The following NHS variants were observed in gnomAD, a reference collection of about 807,000 sequenced individuals.
NHS encodes NHS actin remodeling regulator, also known as actin remodeling regulator NHS.
Under a neutral mutation model 72.5 loss-of-function variants are expected in NHS, and 5 were observed. That is an observed-to-expected ratio of 0.07 (90% CI 0.04 to 0.14). The LOEUF (loss-of-function observed/expected upper bound fraction) is 0.14, where lower values mean the gene tolerates loss of function less well. Among genes scored for constraint, NHS ranks in the 10% least tolerant of loss-of-function variants. The probability of loss-of-function intolerance (pLI) is 1.00; values close to 1 mark genes in which losing one functional copy is unlikely to be tolerated. For synonymous variants in NHS, 464 were observed against 547.7 expected, an observed-to-expected ratio of 0.85 and a Z score of 2.13; for missense variants, 1,072 against 1,355.7, an observed-to-expected ratio of 0.79 and a Z score of 3.29.
At chrX:17,646,328 A>G (rs1302651174) in intron 1 of NHS, among the ~76,000 whole-genome samples, 1 of 111,938 alleles carries the variant, frequency 8.9e-6, no homozygotes, top group Non-Finnish European at 1.9e-5. Context: ...TTCATGTCAA[A>G]GTCTAGGTGG....
intron 1 of NHS, among the ~76,000 whole-genome samples, chrX:17,569,400 G>T (rs2065463355): frequency 1.9e-5 from 2 of 106,393 alleles, no homozygotes; most frequent in Admixed American, 1.9e-4. Flanking sequence ...GTTTTGATTT[G>T]CATTTCTCTG....
intron 1 of NHS, among the ~76,000 whole-genome samples, chrX:17,516,330 C>T (rs745368937): frequency 2.9e-4 from 32 of 111,340 alleles, no homozygotes; most frequent in Non-Finnish European, 5.6e-4. Flanking sequence ...GCTTGGAGAA[C>T]TGAGTTTGAA....
Position 17,735,061 on chromosome X carries a change from T to C in NHS, c.*2597T>C, listed in dbSNP as rs2066514047. The C allele has an allele frequency of 8.9e-6, 1 of 112,940 alleles. No individual in the cohort carries two copies. The highest frequency in any genetic ancestry group is 1.9e-5 in the Non-Finnish European group (1 of 53,334). 9.3% of individuals were successfully genotyped at this position (112,940 alleles called of 1,213,427 possible). ...TTGTGAGGCAATAAGATACCTTCTATATGTAATGATCACAGAACTAACCCT... is the reference window on the plus strand; with the variant it reads ...TTGTGAGGCAATAAGATACCTTCTACATGTAATGATCACAGAACTAACCCT... On this transcript the variant is annotated 3_prime_UTR_variant, in exon 9 of 9. Transcript: ENST00000676302.
At chrX:17,479,583 C>T (rs1246857517) in intron 1 of NHS, among the ~76,000 whole-genome samples, 1 of 112,122 alleles carries the variant, frequency 8.9e-6, no homozygotes, top group Non-Finnish European at 1.9e-5. Context: ...TTAATGATTG[C>T]CATTCTAACT....
At chrX:17,679,117 C>T (rs1396110269) in intron 1 of NHS, among the ~76,000 whole-genome samples, 1 of 109,828 alleles carries the variant, frequency 9.1e-6, no homozygotes, top group Admixed American at 9.7e-5. Context: ...AAGGTTGTGC[C>T]CTCCCCCACT....
intron 1 of NHS, among the ~76,000 whole-genome samples, chrX:17,465,336 T>A (rs2064866359): frequency 9.0e-6 from 1 of 111,370 alleles, no homozygotes; most frequent in Non-Finnish European, 1.9e-5. Flanking sequence ...ATGGAAGGAA[T>A]TAAAGAAGCA....
At chrX:17,647,305 T>A (rs1209612050) in intron 1 of NHS, among the ~76,000 whole-genome samples, 1 of 112,590 alleles carries the variant, frequency 8.9e-6, no homozygotes, top group African/African-American at 3.2e-5. Context: ...AAGCTAGTAA[T>A]CCCTGTAGAG....
chrX:17,420,243 G>T (rs1015319097), intron 1 of NHS, among the ~76,000 whole-genome samples: 1 of 112,080 alleles, frequency 8.9e-6, no homozygotes, highest in African/African-American at 3.2e-5. Flanking sequence ...TTATTTGCTA[G>T]TGCTTTGTTC....
At chrX:17,695,823 C>T (rs749617250) in intron 3 of NHS, among the ~76,000 whole-genome samples, 6 of 109,374 alleles carry the variant, frequency 5.5e-5, no homozygotes, top group Middle Eastern at 4.7e-3. Flanking sequence ...AACCCTAAAC[C>T]CTTTGTTAGC....
intron 1 of NHS, among the ~76,000 whole-genome samples, chrX:17,686,108 A>C (rs1218657167): frequency 8.9e-6 from 1 of 112,275 alleles, no homozygotes; most frequent in Non-Finnish European, 1.9e-5. Flanking sequence ...CATCATCAGA[A>C]GACATTTTGT....
intron 1 of NHS, among the ~76,000 whole-genome samples, chrX:17,636,665 C>G (rs192334954): frequency 4.4e-4 from 49 of 112,207 alleles, no homozygotes; most frequent in Non-Finnish European, 7.5e-4. Context: ...GTGTATGCAG[C>G]CTTTCTTAAT....
intron 1 of NHS, among the ~76,000 whole-genome samples, chrX:17,548,470 CAT>C (rs2065305591): frequency 9.0e-6 from 1 of 110,770 alleles, no homozygotes; most frequent in Non-Finnish European, 1.9e-5. Flanking sequence ...ATAGTAGAAT[CAT>C]ATGAGTTCTT....
At chrX:17,651,690 G>A (rs1486405990) in intron 1 of NHS, among the ~76,000 whole-genome samples, 1 of 112,190 alleles carries the variant, frequency 8.9e-6, no homozygotes, top group Non-Finnish European at 1.9e-5. Context: ...CATTGGCCAG[G>A]ACTCAGTTAG....
At chrX:17,538,146 T>C (rs1241152641) in intron 1 of NHS, among the ~76,000 whole-genome samples, 2 of 111,732 alleles carry the variant, frequency 1.8e-5, no homozygotes, top group African/African-American at 6.5e-5. Context: ...TGAGTTCAGA[T>C]TTCAGGTTTG....
intron 1 of NHS, among the ~76,000 whole-genome samples, chrX:17,558,120 AGAG>A (rs2065390965): frequency 8.9e-6 from 1 of 112,194 alleles, no homozygotes; most frequent in African/African-American, 3.2e-5. Context: ...GGGAGCCCTT[AGAG>A]GCTTGCCTAG....
chrX:17,444,337 T>C (rs1280508156), intron 1 of NHS, among the ~76,000 whole-genome samples: 1 of 111,812 alleles, frequency 8.9e-6, no homozygotes, highest in Non-Finnish European at 1.9e-5. Flanking sequence ...CATTCTTGAG[T>C]CCCACCCTAG....
At chrX:17,561,574 GCACACACACACACACACACACA>G (rs530971006) in intron 1 of NHS, among the ~76,000 whole-genome samples, 2 of 65,387 alleles carry the variant, frequency 3.1e-5, no homozygotes, top group East Asian at 1.2e-3. Flanking sequence ...GCGCGCGCGC[GCACACACACACACACACACACA>G]CACACACACA....
chrX:17,611,571 TCTGA>T (rs959562204), intron 1 of NHS, among the ~76,000 whole-genome samples: 1 of 111,825 alleles, frequency 8.9e-6, no homozygotes, highest in African/African-American at 3.3e-5. Flanking sequence ...TAGAAACTTG[TCTGA>T]CTGTTTCATA....
chrX:17,429,243 T>TGC (rs1203985836), intron 1 of NHS, among the ~76,000 whole-genome samples: 6 of 108,008 alleles, frequency 5.6e-5, no homozygotes, highest in African/African-American at 1.8e-4. Flanking sequence ...TGTGTGTGTG[T>TGC]GTGTGTGTGT....
Sources: gnomAD v4.1 joint callset for allele counts (sites outside exome capture counted in the v4.1 genomes callset) on GRCh38, gnomAD v4.1.1 for gene constraint, MANE v1.5 for transcripts, NCBI Gene and HGNC (gene_info 2026-07-23, HGNC 2026-07-21) for gene names.